Variants in GLIS1 observed in about 807,000 individuals in gnomAD.
GLIS1 encodes GLIS family zinc finger 1.
In GLIS1, 24 loss-of-function variants were observed where a neutral mutation model predicts 63.8. The ratio of observed to expected loss-of-function variants is 0.38; its 90% CI spans 0.27 to 0.53. The LOEUF (loss-of-function observed/expected upper bound fraction) is 0.53. Among genes scored for constraint, GLIS1 ranks in the 20% least tolerant of loss-of-function variants. The probability of loss-of-function intolerance (pLI) is 0.85; values close to 1 mark genes in which losing one functional copy is unlikely to be tolerated. For synonymous variants in GLIS1, 450 were observed against 482.5 expected (o/e 0.93, Z 0.88); for missense variants, 1,036 against 1,074.1 (o/e 0.96, Z 0.50).
chr1:53,638,231 G>T (rs538774145), intron 2 of GLIS1, among the ~76,000 whole-genome samples: 26 of 152,290 alleles, frequency 1.7e-4, no homozygotes, highest in Non-Finnish European at 2.9e-4. Flanking sequence ...GGAAAGGGAG[G>T]GTTCCTTGTT....
rs769485921 is a variant in GLIS1 at position 53,509,119 on chromosome 1, C to T, written c.2230+1G>A. 6.4e-7 allele frequency: 1 copy of T among 1,574,586 alleles called. No individual in the cohort carries two copies. Among genetic ancestry groups the T allele is most frequent in the Non-Finnish European group, 8.6e-7 (1 of 1,157,074 alleles). On this transcript the variant is annotated splice_donor_variant, in intron 10 of 10. Coordinates refer to ENST00000628545, the MANE Select transcript of GLIS1 (RefSeq NM_001367484.1). LOFTEE classifies it high-confidence loss of function. The stretch of plus-strand genomic sequence containing the variant: ...CTGGGAGCCACGCAGGCAGGGCTCA[C>T]CTGTGGCAGGCAAGGGCGTGCTGAG...
intron 2 of GLIS1, among the ~76,000 whole-genome samples, chr1:53,697,141 T>C (rs1430323710): frequency 6.6e-6 from 1 of 152,164 alleles, no homozygotes; most frequent in Non-Finnish European, 1.5e-5. Context: ...TTGGACATTG[T>C]CTGGATAGTG....
At chr1:53,524,567 TG>T (rs1455948570) in intron 6 of GLIS1, among the ~76,000 whole-genome samples, 2 of 152,016 alleles carry the variant, frequency 1.3e-5, no homozygotes, top group Non-Finnish European at 2.9e-5. Context: ...AAGGGCCAGC[TG>T]GGGGTGTGGA....
Position 53,646,976 on chromosome 1 carries a change from A to G in GLIS1, c.260-46698T>C, listed in dbSNP as rs896380088. 2.0e-5 allele frequency among the ~76,000 whole-genome samples: 3 copies of G among 150,226 alleles called. No individual in the cohort carries two copies. The South Asian group carries it at 6.5e-4, about 32-fold the overall frequency. On this transcript the variant is annotated intron_variant, in intron 2 of 10. Coordinates refer to ENST00000628545, the MANE Select transcript of GLIS1 (RefSeq NM_001367484.1). This position sits in a 1 kb window ranked among gnomAD's most constrained non-coding sequence, Gnocchi z 4.2. ...GGAAGGGAAGGAAAGGAAGGAAAGGAAGGAAAGGAAGGAAAGGAAGGAAGG... is the reference window on the plus strand; with the variant it reads ...GGAAGGGAAGGAAAGGAAGGAAAGGGAGGAAAGGAAGGAAAGGAAGGAAGG...
intron 4 of GLIS1, among the ~76,000 whole-genome samples, chr1:53,544,611 C>A (rs1450520423): frequency 6.6e-6 from 1 of 152,256 alleles, no homozygotes; most frequent in Non-Finnish European, 1.5e-5. Context: ...ATCTCGCCGA[C>A]TGACCTCTGG....
In GLIS1 at chr1:53,574,712, G is replaced by A. The variant is rs888798588; in HGVS notation, c.1320+19396C>T. On this transcript the variant is annotated intron_variant, in intron 4 of 10. Transcript: ENST00000628545. The surrounding 1 kb of genome is among the most constrained non-coding windows in gnomAD (Gnocchi z 4.2). ...GGAAGCAGCCCCACCTGGGCCTTGT[G>A]TCTAAGCCACATTTGTCATTCCAGC... is the stretch of plus-strand genomic sequence containing the variant. Among the ~76,000 whole-genome samples, 2 of 152,220 alleles carry A rather than the reference G, an allele frequency of 1.3e-5. No individual in the cohort carries two copies. The highest frequency in any genetic ancestry group is 4.8e-5 in the African/African-American group (2 of 41,452).
intron 4 of GLIS1, among the ~76,000 whole-genome samples, chr1:53,530,341 C>A (rs1200849643): frequency 1.3e-5 from 2 of 152,194 alleles, no homozygotes; most frequent in African/African-American, 4.8e-5. Context: ...GGACCCACAG[C>A]CTGGATCTGA....
chr1:53,541,576 A>T (rs765476182), intron 4 of GLIS1, among the ~76,000 whole-genome samples: 2 of 152,250 alleles, frequency 1.3e-5, no homozygotes, highest in Non-Finnish European at 2.9e-5. Flanking sequence ...GATGGCCTAG[A>T]CCCAGGACAT....
intron 4 of GLIS1, among the ~76,000 whole-genome samples, chr1:53,558,325 G>A (rs928384652): frequency 7.9e-5 from 12 of 152,196 alleles, no homozygotes; most frequent in Non-Finnish European, 1.6e-4. Flanking sequence ...CTATCAAAGC[G>A]ATCTTTCGAT....
At chr1:53,573,813 G>C (rs1188502235) in intron 4 of GLIS1, among the ~76,000 whole-genome samples, 2 of 152,184 alleles carry the variant, frequency 1.3e-5, no homozygotes, top group African/African-American at 4.8e-5. Flanking sequence ...AATGGACTTG[G>C]TATACCCTGA....
At chr1:53,731,043 C>G (rs1028575462) in intron 2 of GLIS1, among the ~76,000 whole-genome samples, 3 of 152,198 alleles carry the variant, frequency 2.0e-5, no homozygotes, top group Non-Finnish European at 2.9e-5. Context: ...AATTCTCGTC[C>G]AACAGATGTC....
At chr1:53,522,986 CTTTTTTTT>C (rs1553120127) in intron 6 of GLIS1, among the ~76,000 whole-genome samples, 2 of 43,690 alleles carry the variant, frequency 4.6e-5, no homozygotes, top group African/African-American at 8.8e-5. Flanking sequence ...TCTTTTCTTT[CTTTTTTTT>C]TTTTTTTTTT....
In GLIS1 at chr1:53,511,159, A is replaced by G. The variant is rs1049663790; in HGVS notation, c.1884-1132T>C. Among the ~76,000 whole-genome samples the G allele has an allele frequency of 2.0e-5, 3 of 152,198 alleles. No homozygotes were observed. Among genetic ancestry groups the G allele is most frequent in the Non-Finnish European group, 4.4e-5 (3 of 68,024 alleles). ...CCCAGCCTGTAAAGCATTTATGTAC[A>G]TGGCAGAAAGAGGGAGATAGTGAGA... On this transcript the variant is annotated intron_variant, in intron 8 of 10. Coordinates refer to ENST00000628545, the MANE Select transcript of GLIS1 (RefSeq NM_001367484.1). The surrounding 1 kb of genome is among the most constrained non-coding windows in gnomAD (Gnocchi z 4.2).
intron 2 of GLIS1, among the ~76,000 whole-genome samples, chr1:53,668,573 C>T (rs903616168): frequency 6.6e-6 from 1 of 152,056 alleles, no homozygotes; most frequent in African/African-American, 2.4e-5. Flanking sequence ...ATTGGTCAGG[C>T]TGGTCTCAAA....
chr1:53,614,858 CCT>C (rs756360814), intron 2 of GLIS1, among the ~76,000 whole-genome samples: 21 of 151,546 alleles, frequency 1.4e-4, no homozygotes, highest in Non-Finnish European at 2.9e-4. Context: ...GGACTCTCAC[CCT>C]CTCACACACT....
At chr1:53,650,907 C>T (rs1315273332) in intron 2 of GLIS1, among the ~76,000 whole-genome samples, 3 of 152,174 alleles carry the variant, frequency 2.0e-5, no homozygotes, top group Non-Finnish European at 4.4e-5. Context: ...TCACCATCCT[C>T]TCTCAGGCAT....
intron 4 of GLIS1, among the ~76,000 whole-genome samples, chr1:53,571,423 GA>G (rs1301754110): frequency 1.1e-4 from 17 of 152,120 alleles, no homozygotes; most frequent in Admixed American, 1.1e-3. Flanking sequence ...ACATGAACAA[GA>G]ATATTCACAG....
intron 4 of GLIS1, among the ~76,000 whole-genome samples, chr1:53,558,803 T>C (rs908969588): frequency 6.6e-6 from 1 of 152,186 alleles, no homozygotes; most frequent in Non-Finnish European, 1.5e-5. Flanking sequence ...CCCTGCTCCA[T>C]TCAGGCCCCG....
At chr1:53,629,351 G>A (rs1247222560) in intron 2 of GLIS1, among the ~76,000 whole-genome samples, 1 of 152,122 alleles carries the variant, frequency 6.6e-6, no homozygotes, top group East Asian at 1.9e-4. Context: ...AGCCCACATG[G>A]CAGTTGCTAT....
Sources: gnomAD v4.1 joint callset for allele counts (sites outside exome capture counted in the v4.1 genomes callset) on GRCh38, gnomAD v4.1.1 for gene constraint, Gnocchi (gnomAD v3.1) non-coding constraint, MANE v1.5 for transcripts, NCBI Gene and HGNC (gene_info 2026-07-23, HGNC 2026-07-21) for gene names.